ARHGEF18: variants seen among roughly 807,000 people sequenced by gnomAD.
ARHGEF18 encodes the protein rho guanine nucleotide exchange factor 18.
ARHGEF18 carries 93 observed loss-of-function variants against 155.7 expected under a neutral mutation model. The observed-to-expected ratio is 0.60, with a 90% CI of 0.50 to 0.71. ARHGEF18 has a LOEUF of 0.71. ARHGEF18 is among the 30% of genes least tolerant of loss of function. ARHGEF18 has a pLI of 0.00. For missense variants in ARHGEF18, 1,593 were observed against 1,816.1 expected (o/e 0.88, Z 2.23); for synonymous variants, 742 against 753.1 (o/e 0.99, Z 0.24).
In ARHGEF18 at chr19:7,416,530, CGTGTGTGTGTGT is replaced by C. The variant is rs71179108; in HGVS notation, c.968-23777_968-23766del. Among the ~76,000 whole-genome samples, 713 of 105,954 alleles carry C rather than the reference CGTGTGTGTGTGT, an allele frequency of 6.7e-3. 6 individuals carry two copies. Among genetic ancestry groups the C allele is most frequent in the African/African-American group, 0.02 (603 of 29,934 alleles). 69.5% of individuals were successfully genotyped at this position (105,954 alleles called of 152,430 possible). A position where few individuals can be genotyped will look rare whatever the true frequency, so the allele number is the denominator to read the frequency against. On this transcript the variant is annotated intron_variant, in intron 10 of 28. Transcript: ENST00000668164. ...TGTGATGTGCCTCACGGAGAAAATT[CGTGTGTGTGTGT>C]GTGTGTGTGTGTGTGTGTGTGTGTG...
chr19:7,350,763 GGTGGGTGTGTGTGTGT>G (rs1427884158), intron 1 of ARHGEF18, among the ~76,000 whole-genome samples: 2,081 of 133,188 alleles, frequency 0.016, 46 homozygotes, highest in African/African-American at 0.039. Flanking sequence ...AGTTTTTTGG[GGTGGGTGTGTGTGTGT>G]GTGTGTGTGT....
intron 22 of ARHGEF18, among the ~76,000 whole-genome samples, chr19:7,464,329 C>T (rs899719871): frequency 3.3e-5 from 5 of 152,178 alleles, no homozygotes; most frequent in Admixed American, 1.3e-4. Flanking sequence ...TGAGCCACCG[C>T]ACCCAGCCGA....
At chr19:7,413,183 A>G (rs562312146) in intron 10 of ARHGEF18, among the ~76,000 whole-genome samples, 1 of 152,228 alleles carries the variant, frequency 6.6e-6, no homozygotes, top group East Asian at 1.9e-4. Flanking sequence ...TGCAATCCCA[A>G]CACTGTGGGA....
intron 10 of ARHGEF18, among the ~76,000 whole-genome samples, chr19:7,404,067 C>CAA (rs879300029): frequency 9.5e-5 from 12 of 126,714 alleles, no homozygotes; most frequent in East Asian, 7.2e-4. Flanking sequence ...GACTCCGTCT[C>CAA]AAAAAAAAAA....
chr19:7,385,908 CTCT>C (rs1335612451), intron 10 of ARHGEF18, among the ~76,000 whole-genome samples: 1 of 66,172 alleles, frequency 1.5e-5, no homozygotes, highest in African/African-American at 1.4e-4. Context: ...CTCTCTCTCC[CTCT>C]CTCCCTCTCT....
At chr19:7,400,750 C>T (rs1971988416) in intron 10 of ARHGEF18, among the ~76,000 whole-genome samples, 1 of 152,114 alleles carries the variant, frequency 6.6e-6, no homozygotes, top group South Asian at 2.1e-4. Context: ...GGAAGGATTG[C>T]TTGAGCCTTG....
At position 7,373,101 on chromosome 19, in the gene ARHGEF18, C is replaced by T; in HGVS notation, c.275+30C>T. The T allele has an allele frequency of 3.2e-6, 4 of 1,234,382 alleles. No homozygotes were observed. In the South Asian group the frequency reaches 1.6e-4, roughly 51 times the overall value. The allele number at this position is 1,234,382 out of a possible 1,614,324, so 76.5% of individuals were successfully genotyped here. A position where few individuals can be genotyped will look rare whatever the true frequency, so the allele number is the denominator to read the frequency against. Reference sequence around the variant, plus strand: ...GTTCCCCACTGCTGCCTGCTTCCCACAATGCACCCCTGGGACAGGGAAGAG... The same window carrying T: ...GTTCCCCACTGCTGCCTGCTTCCCATAATGCACCCCTGGGACAGGGAAGAG... On this transcript the variant is annotated intron_variant, in intron 3 of 28. Transcript: ENST00000668164.
intron 18 of ARHGEF18, among the ~76,000 whole-genome samples, chr19:7,458,192 T>A: frequency 6.8e-6 from 1 of 147,136 alleles, no homozygotes; most frequent in African/African-American, 2.5e-5. Flanking sequence ...GAGGCTGAGG[T>A]GGGAGGATCA....
In ARHGEF18 at chr19:7,467,461, C is replaced by T. The variant is rs754269396; in HGVS notation, c.3257C>T (p.Ala1086Val). 120 of 1,502,842 alleles carry T rather than the reference C, an allele frequency of 8.0e-5. No individual in the cohort carries two copies. The highest frequency in any genetic ancestry group is 4.7e-4 in the Middle Eastern group (2 of 4,296). The allele number at this position is 1,502,842 out of a possible 1,614,324, so 93.1% of individuals were successfully genotyped here. A position where few individuals can be genotyped will look rare whatever the true frequency, so the allele number is the denominator to read the frequency against. Residue 1086 changes from alanine to valine, a missense_variant, in exon 26 of 29, where the codon GCG becomes GTG. Physicochemically the swap from Ala to Val is moderately conservative, Grantham distance 64. Transcript: ENST00000668164. Reference sequence around the variant, plus strand: ...CACCAGGAGCTGGAGCGTGCGGGCGCGCGGCTGCAGGAGCGCGAGGGCGAG... The same window carrying T: ...CACCAGGAGCTGGAGCGTGCGGGCGTGCGGCTGCAGGAGCGCGAGGGCGAG... Reference protein sequence around the residue: ...WQHQELERAGARLQEREGEAR... With the variant: ...WQHQELERAGVRLQEREGEAR...
chr19:7,374,049 C>T (rs528347009), intron 3 of ARHGEF18, among the ~76,000 whole-genome samples: 1 of 151,988 alleles, frequency 6.6e-6, no homozygotes, highest in Non-Finnish European at 1.5e-5. Flanking sequence ...CATGAGTCAC[C>T]ATGCCGGGCC....
At chr19:7,425,344 C>A (rs940267335) in intron 10 of ARHGEF18, among the ~76,000 whole-genome samples, 1 of 152,054 alleles carries the variant, frequency 6.6e-6, no homozygotes, top group East Asian at 1.9e-4. Flanking sequence ...AGGTGGGGGT[C>A]TCCCCCTACT....
In ARHGEF18 at chr19:7,375,436, A is replaced by AAAAGAAAAG. The variant is rs1196579465; in HGVS notation, c.276-269_276-261dup. On this transcript the variant is annotated intron_variant, in intron 3 of 28. Coordinates refer to ENST00000668164, the MANE Select transcript of ARHGEF18 (RefSeq NM_001367823.1). ...AAAAGGAAGGAAGAAAGGAAGGAAG[A>AAAAGAAAAG]AAAGAAAAGAAAGAAAAGAAAGAGA... 1.3e-3 allele frequency among the ~76,000 whole-genome samples: 172 copies of AAAAGAAAAG among 134,942 alleles called. 1 individual carries two copies. The highest frequency in any genetic ancestry group is 1.2e-3 in the South Asian group (5 of 4,276). The allele number at this position is 134,942 out of a possible 152,430, so 88.5% of individuals were successfully genotyped here.
chr19:7,474,465 G>A (rs187100711), downstream of ARHGEF18, among the ~76,000 whole-genome samples: 2,421 of 152,082 alleles, frequency 0.016, 149 homozygotes, highest in Admixed American at 0.12. Context: ...TGCAACCGCC[G>A]CCTCCCAGGT....
At chr19:7,370,421 G>A (rs560372011) in intron 2 of ARHGEF18, among the ~76,000 whole-genome samples, 11 of 150,844 alleles carry the variant, frequency 7.3e-5, no homozygotes, top group Admixed American at 2.0e-4. Flanking sequence ...GCGTGAACCC[G>A]GGAGGTGGAG....
chr19:7,358,279 A>ATTCT (rs1969405825), intron 1 of ARHGEF18, among the ~76,000 whole-genome samples: 2 of 149,316 alleles, frequency 1.3e-5, no homozygotes, highest in East Asian at 3.9e-4. Flanking sequence ...TCTTCCATCC[A>ATTCT]TCCATCCATC....
intron 1 of ARHGEF18, among the ~76,000 whole-genome samples, chr19:7,359,291 G>A: frequency 6.6e-6 from 1 of 152,194 alleles, no homozygotes; most frequent in Non-Finnish European, 1.5e-5. Context: ...GGAGAGACTG[G>A]TAGCTGAGGA....
chr19:7,415,122 G>A (rs896265820), intron 10 of ARHGEF18, among the ~76,000 whole-genome samples: 2 of 152,030 alleles, frequency 1.3e-5, no homozygotes, highest in Non-Finnish European at 2.9e-5. Flanking sequence ...TCCCAAGACC[G>A]CTTTCAACAA....
chr19:7,478,769 C>T, the ARHGEF18 span, among the ~76,000 whole-genome samples: 2 of 152,244 alleles, frequency 1.3e-5, no homozygotes, highest in African/African-American at 4.8e-5. Flanking sequence ...CCCCTCCGGG[C>T]CTCAGCTGCC....
intron 10 of ARHGEF18, among the ~76,000 whole-genome samples, chr19:7,385,867 CT>C (rs2064714681): frequency 3.6e-4 from 32 of 88,068 alleles, no homozygotes; most frequent in African/African-American, 1.6e-3. Flanking sequence ...CTCTCTCTCT[CT>C]CTCCCCCCTC....
Sources: allele counts gnomAD v4.1 joint callset (sites outside exome capture counted in the v4.1 genomes callset), GRCh38; gene constraint gnomAD v4.1.1; transcripts MANE v1.5; gene names NCBI Gene and HGNC (gene_info 2026-07-23, HGNC 2026-07-21).